EMC2: variants seen among roughly 807,000 people sequenced by gnomAD.
EMC2 encodes TPR repeat protein 35.
In EMC2, 37 loss-of-function variants were observed where a neutral mutation model predicts 51.6. The observed-to-expected ratio is 0.72, with a 90% CI of 0.55 to 0.94. The LOEUF is 0.94. Ranked by LOEUF, EMC2 falls within the 40% of genes least tolerant of loss-of-function variation. The pLI, the probability that EMC2 is intolerant of heterozygous loss-of-function variation, is 0.00. For missense variants in EMC2, 359 were observed against 350.9 expected, an observed-to-expected ratio of 1.02 and a Z score of -0.18; for synonymous variants, 131 against 112.4, an observed-to-expected ratio of 1.17 and a Z score of -1.04.
chr8:108,454,356 A>C (rs1161436284), intron 4 of EMC2, among the ~76,000 whole-genome samples: 2 of 151,844 alleles, frequency 1.3e-5, no homozygotes, highest in Non-Finnish European at 2.9e-5. Context: ...TCTCTCTCTC[A>C]GTGTATCAGT....
chr8:108,466,336 T>G (rs574471467), intron 5 of EMC2, among the ~76,000 whole-genome samples: 1 of 152,270 alleles, frequency 6.6e-6, no homozygotes, highest in East Asian at 1.9e-4. Flanking sequence ...AGACTGTACT[T>G]GCTGCTGTTG....
chr8:108,462,278 T>C (rs1236455843), intron 5 of EMC2, among the ~76,000 whole-genome samples: 1 of 151,662 alleles, frequency 6.6e-6, no homozygotes, highest in African/African-American at 2.4e-5. Context: ...TGGTATACTC[T>C]ATGTAACAAT....
At chr8:108,445,456 G>A (rs2130321481) in intron 1 of EMC2, among the ~76,000 whole-genome samples, 1 of 151,956 alleles carries the variant, frequency 6.6e-6, no homozygotes, top group Middle Eastern at 3.4e-3. Context: ...CCTTCCACTG[G>A]GAGTGTTCTT....
intron 10 of EMC2, among the ~76,000 whole-genome samples, chr8:108,483,293 T>C (rs1811079043): frequency 6.6e-6 from 1 of 152,190 alleles, no homozygotes; most frequent in Non-Finnish European, 1.5e-5. Flanking sequence ...GTATACAGTC[T>C]GAGTTTTGAC....
intron 5 of EMC2, among the ~76,000 whole-genome samples, chr8:108,461,042 A>C (rs2130365947): frequency 6.6e-6 from 1 of 152,334 alleles, no homozygotes; most frequent in South Asian, 2.1e-4. Context: ...AGAACTAATA[A>C]AGTCTATAAG....
intron 5 of EMC2, among the ~76,000 whole-genome samples, chr8:108,463,553 G>A (rs1819385282): frequency 6.6e-6 from 1 of 152,128 alleles, no homozygotes; most frequent in South Asian, 2.1e-4. Flanking sequence ...AGTAATTATT[G>A]TCTTTTAGTT....
chr8:108,460,027 T>C (rs565109480), intron 5 of EMC2, among the ~76,000 whole-genome samples: 1 of 152,202 alleles, frequency 6.6e-6, no homozygotes, highest in Non-Finnish European at 1.5e-5. Flanking sequence ...GAAGATTTTC[T>C]CCTGTACTTA....
chr8:108,466,553 A>C (rs1202276030), intron 5 of EMC2, among the ~76,000 whole-genome samples: 2 of 149,772 alleles, frequency 1.3e-5, no homozygotes, highest in Non-Finnish European at 3.0e-5. Flanking sequence ...CCTGGGCTCA[A>C]GCGATCTCCC....
At position 108,479,031 on chromosome 8, in the gene EMC2, C is replaced by T. The variant is rs1259601378; in HGVS notation, c.728C>T (p.Pro243Leu). 1.9e-6 allele frequency: 3 copies of T among 1,574,132 alleles called. No homozygotes were observed. Among genetic ancestry groups the T allele is most frequent in the African/African-American group, 1.4e-5 (1 of 73,068 alleles). The change falls in exon 10 of 11, where the codon CCA becomes CTA. Residue 243 changes from proline (P) to leucine (L), a missense_variant. By Grantham distance (98) the Pro-to-Leu change is moderately conservative. Coordinates refer to ENST00000220853, the MANE Select transcript of EMC2 (RefSeq NM_014673.5). ...TCGGCAAGTCATATTGCTTCTAATC[C>T]AAAAGCAAGTGCAAAAACGAAAAAG... ...YMSASHIASN[P>L]KASAKTKKDN...
chr8:108,455,666 GCTTTA>G (rs1819133371), intron 4 of EMC2, among the ~76,000 whole-genome samples: 1 of 151,866 alleles, frequency 6.6e-6, no homozygotes, highest in South Asian at 2.1e-4. Flanking sequence ...TACATGATTT[GCTTTA>G]CTTAACAAAA....
chr8:108,476,659 C>A, intron 8 of EMC2, 123 bp from the exon 9 acceptor site: 5 of 513,510 alleles, frequency 9.7e-6, no homozygotes, highest in Non-Finnish European at 1.7e-5. Flanking sequence ...ATTCTTTTAA[C>A]ATCTTGTATT....
intron 3 of EMC2, 132 bp from the exon 4 acceptor site, chr8:108,452,930 T>A (rs1819062639): frequency 2.1e-6 from 1 of 465,756 alleles, no homozygotes; most frequent in Non-Finnish European, 3.9e-6. Flanking sequence ...TGTTACTGAT[T>A]AATTTCACTT....
intron 5 of EMC2, among the ~76,000 whole-genome samples, chr8:108,468,218 T>C (rs1472504864): frequency 1.3e-5 from 2 of 152,190 alleles, no homozygotes; most frequent in Non-Finnish European, 2.9e-5. Flanking sequence ...GGGACAATGC[T>C]CCCATTTTAA....
At chr8:108,454,872 AG>A (rs1819114217) in intron 4 of EMC2, among the ~76,000 whole-genome samples, 1 of 152,070 alleles carries the variant, frequency 6.6e-6, no homozygotes. Context: ...GTTTTCTCTC[AG>A]AACACTTTAA....
chr8:108,453,612 A>G (rs575141109), intron 4 of EMC2, among the ~76,000 whole-genome samples: 4 of 152,058 alleles, frequency 2.6e-5, no homozygotes, highest in Non-Finnish European at 5.9e-5. Flanking sequence ...ATGTTTCAAC[A>G]ATATTCGGTA....
At chr8:108,480,283 T>C (rs1374863689) in intron 10 of EMC2, among the ~76,000 whole-genome samples, 1 of 152,134 alleles carries the variant, frequency 6.6e-6, no homozygotes, top group African/African-American at 2.4e-5. Context: ...TGAATTTGAT[T>C]CATATTTTTC....
chr8:108,477,350 T>C (rs779452853), intron 9 of EMC2, among the ~76,000 whole-genome samples: 6 of 151,982 alleles, frequency 3.9e-5, no homozygotes, highest in Non-Finnish European at 8.8e-5. Flanking sequence ...TTGTGGGAAG[T>C]ATGTAATGAC....
At chr8:108,447,869 G>A (rs140993573) in intron 1 of EMC2, among the ~76,000 whole-genome samples, 70 of 152,232 alleles carry the variant, frequency 4.6e-4, no homozygotes, top group African/African-American at 1.6e-3. Context: ...CACCTTTGAG[G>A]AAAGAGTGAG....
Position 108,450,507 on chromosome 8 carries a change from G to T in EMC2, c.219+15G>T. 1 of 1,433,258 alleles carries T rather than the reference G, an allele frequency of 7.0e-7. No individual in the cohort carries two copies. Among genetic ancestry groups the T allele is most frequent in the Non-Finnish European group, 9.8e-7 (1 of 1,015,244 alleles). The allele number at this position is 1,433,258 out of a possible 1,614,324, so 88.8% of individuals were successfully genotyped here. On this transcript the variant is annotated intron_variant, in intron 3 of 10. Transcript: ENST00000220853. Reference sequence around the variant, plus strand: ...ACTTGGCATTGGTAGGTATTTAAATGAAGTATATATTTAATTTGCTTCATC... The same window carrying T: ...ACTTGGCATTGGTAGGTATTTAAATTAAGTATATATTTAATTTGCTTCATC...
Sources: gnomAD v4.1 joint callset for allele counts (sites outside exome capture counted in the v4.1 genomes callset) on GRCh38, gnomAD v4.1.1 for gene constraint, MANE v1.5 for transcripts, NCBI Gene and HGNC (gene_info 2026-07-23, HGNC 2026-07-21) for gene names.